BBS9: variants seen among roughly 807,000 people sequenced by gnomAD.
BBS9 encodes the protein Bardet-Biedl syndrome 9.
BBS9 carries 89 observed loss-of-function variants against 117.7 expected under a neutral mutation model. That is an observed-to-expected ratio of 0.76 (90% confidence interval 0.64 to 0.90). BBS9 has a LOEUF of 0.90. Among genes scored for constraint, BBS9 ranks in the 40% least tolerant of loss-of-function variants. BBS9 has a pLI of 0.00. For missense variants in BBS9, 982 were observed against 1,042.2 expected, an observed-to-expected ratio of 0.94 and a Z score of 0.80; for synonymous variants, 379 against 370.9, an observed-to-expected ratio of 1.02 and a Z score of -0.25.
At chr7:33,607,880 C>CTTT (rs541343507), downstream of BBS9, among the ~76,000 whole-genome samples, 1 of 141,664 alleles carries the variant, frequency 7.1e-6, no homozygotes, top group South Asian at 2.3e-4. Context: ...TGATAGCTCT[C>CTTT]TTTTTTTTTT....
intron 9 of BBS9, among the ~76,000 whole-genome samples, chr7:33,299,500 CTTA>C (rs1401427963): frequency 2.7e-5 from 4 of 150,322 alleles, no homozygotes; most frequent in African/African-American, 9.7e-5. Context: ...GGCAGAACTA[CTTA>C]TTATGATAAT....
chr7:33,189,928 C>T (rs531290489), intron 5 of BBS9, among the ~76,000 whole-genome samples: 17 of 151,216 alleles, frequency 1.1e-4, no homozygotes, highest in Admixed American at 5.9e-4. Context: ...GGCTATGTTG[C>T]CCAGGCTGGT....
intron 16 of BBS9, among the ~76,000 whole-genome samples, chr7:33,362,349 G>A (rs1820777233): frequency 6.6e-6 from 1 of 151,974 alleles, no homozygotes; most frequent in Non-Finnish European, 1.5e-5. Flanking sequence ...CTAATCCAAG[G>A]TTGCAAAGTT....
chr7:33,195,581 T>G (rs1482658613), intron 5 of BBS9, among the ~76,000 whole-genome samples: 2 of 152,204 alleles, frequency 1.3e-5, no homozygotes, highest in Non-Finnish European at 2.9e-5. Flanking sequence ...TTTCTATAGA[T>G]TACTCTTCCT....
chr7:33,236,085 TG>T (rs761058701), intron 5 of BBS9, among the ~76,000 whole-genome samples: 6 of 152,090 alleles, frequency 3.9e-5, no homozygotes, highest in South Asian at 4.1e-4. Flanking sequence ...CCCAGCACTT[TG>T]GGGGGCTGAG....
intron 16 of BBS9, among the ~76,000 whole-genome samples, chr7:33,364,054 T>C (rs1289686968): frequency 3.4e-5 from 3 of 88,176 alleles, no homozygotes; most frequent in South Asian, 4.0e-4. Flanking sequence ...GTTCACGCCA[T>C]TCTCCTGCCT....
At chr7:33,501,501 G>T (rs1845436171) in intron 19 of BBS9, among the ~76,000 whole-genome samples, 1 of 152,168 alleles carries the variant, frequency 6.6e-6, no homozygotes, top group Non-Finnish European at 1.5e-5. Flanking sequence ...CTTAGACGAT[G>T]CTTCTGTCCG....
At chr7:33,158,111 G>A (rs1039289800) in intron 4 of BBS9, among the ~76,000 whole-genome samples, 2 of 151,980 alleles carry the variant, frequency 1.3e-5, no homozygotes, top group African/African-American at 4.8e-5. Context: ...CCATGAGGAG[G>A]GCAAAAAAGA....
intron 20 of BBS9, among the ~76,000 whole-genome samples, chr7:33,531,700 G>T (rs990081390): frequency 3.3e-5 from 5 of 152,166 alleles, no homozygotes; most frequent in African/African-American, 1.2e-4. Context: ...GATTTATTCT[G>T]CATGCCTCTG....
At chr7:33,178,230 C>T (rs898247240) in intron 5 of BBS9, among the ~76,000 whole-genome samples, 2 of 152,184 alleles carry the variant, frequency 1.3e-5, no homozygotes, top group African/African-American at 4.8e-5. Context: ...GCTCATCGAG[C>T]CATGCTTTCT....
intron 5 of BBS9, among the ~76,000 whole-genome samples, chr7:33,238,038 C>T (rs1793822932): frequency 6.6e-6 from 1 of 152,140 alleles, no homozygotes; most frequent in African/African-American, 2.4e-5. Context: ...CATTAAATAA[C>T]AATAGTCTTT....
At chr7:33,408,528 G>T (rs187191542) in intron 19 of BBS9, among the ~76,000 whole-genome samples, 1 of 152,134 alleles carries the variant, frequency 6.6e-6, no homozygotes, top group Non-Finnish European at 1.5e-5. Context: ...TGTCTTCTGC[G>T]TCGCTCACGC....
At chr7:33,244,477 A>G (rs1033569543) in intron 5 of BBS9, among the ~76,000 whole-genome samples, 1 of 152,138 alleles carries the variant, frequency 6.6e-6, no homozygotes, top group African/African-American at 2.4e-5. Flanking sequence ...TTGGTATGTA[A>G]AGAGTGAGAC....
chr7:33,584,247 A>T (rs1414889784), intron 21 of BBS9, among the ~76,000 whole-genome samples: 1 of 151,840 alleles, frequency 6.6e-6, no homozygotes, highest in Non-Finnish European at 1.5e-5. Context: ...TATTTTTGGA[A>T]TTTTTTAGGT....
At chr7:33,508,039 T>C (rs1255740313) in intron 20 of BBS9, among the ~76,000 whole-genome samples, 1 of 152,234 alleles carries the variant, frequency 6.6e-6, no homozygotes, top group Non-Finnish European at 1.5e-5. Context: ...CAAATATGAC[T>C]GCATTAGACT....
chr7:33,334,160 T>C (rs1814776805), intron 9 of BBS9, among the ~76,000 whole-genome samples: 1 of 152,240 alleles, frequency 6.6e-6, no homozygotes, highest in African/African-American at 2.4e-5. Flanking sequence ...CAGATAATTT[T>C]TTAGATAAAT....
chr7:33,198,477 A>G (rs963749705), intron 5 of BBS9, among the ~76,000 whole-genome samples: 1 of 152,040 alleles, frequency 6.6e-6, no homozygotes, highest in Non-Finnish European at 1.5e-5. Context: ...ATGTAAAAAG[A>G]AAAGGAAAAT....
At chr7:33,471,762 G>A (rs565308229) in intron 19 of BBS9, among the ~76,000 whole-genome samples, 3 of 152,312 alleles carry the variant, frequency 2.0e-5, no homozygotes, top group Admixed American at 2.0e-4. Context: ...AATTTGTAAA[G>A]GTTGGTTGTC....
chr7:33,257,403 A>C lies in BBS9; in HGVS notation c.610A>C (p.Ser204Arg). The change falls in exon 6 of 23, where the codon AGT (serine) becomes CGT (arginine). Residue 204 changes from serine (S) to arginine (R), a missense_variant. Physicochemically the swap from Ser to Arg is moderately radical, Grantham distance 110. Transcript: ENST00000242067. Reference sequence around the variant, plus strand: ...TGTCTCTTCCTGCCAACAAGTGGAAAGTTATAAGTAAGTTTGGATGTTAAG... The same window carrying C: ...TGTCTCTTCCTGCCAACAAGTGGAACGTTATAAGTAAGTTTGGATGTTAAG... ...LTVSSCQQVE[S>R]YKYQVLAFAT... 1 of 1,613,700 alleles carries C rather than the reference A, an allele frequency of 6.2e-7. No individual in the cohort carries two copies. The highest frequency in any genetic ancestry group is 1.3e-5 in the African/African-American group (1 of 75,008).
Sources: allele counts gnomAD v4.1 joint callset (sites outside exome capture counted in the v4.1 genomes callset), GRCh38; gene constraint gnomAD v4.1.1; transcripts MANE v1.5; gene names NCBI Gene and HGNC (gene_info 2026-07-23, HGNC 2026-07-21).